INPP4B: variants seen among roughly 807,000 people sequenced by gnomAD.
INPP4B encodes inositol polyphosphate-4-phosphatase type II B, also known as inositol polyphosphate 4-phosphatase type II.
In INPP4B, 55 loss-of-function variants were observed where a neutral mutation model predicts 122.5. That is an observed-to-expected ratio of 0.45 (90% CI 0.36 to 0.56). INPP4B has a LOEUF of 0.56. Ranked by LOEUF, INPP4B falls within the 20% of genes least tolerant of loss-of-function variation. The probability of loss-of-function intolerance (pLI) is 0.00; values close to 1 mark genes in which losing one functional copy is unlikely to be tolerated. For synonymous variants in INPP4B, 403 were observed against 388.7 expected (o/e 1.04, Z -0.43); for missense variants, 1,000 against 1,097.7 (o/e 0.91, Z 1.26).
At chr4:142,773,248 T>C (rs555471940) in intron 1 of INPP4B, among the ~76,000 whole-genome samples, 1 of 152,056 alleles carries the variant, frequency 6.6e-6, no homozygotes, top group African/African-American at 2.4e-5. Context: ...ATGTTAGAAC[T>C]CTAGTGTGGC....
At chr4:142,458,253 A>G (rs1560680000) in intron 3 of INPP4B, among the ~76,000 whole-genome samples, 1 of 152,148 alleles carries the variant, frequency 6.6e-6, no homozygotes. Context: ...ATAGGTATAG[A>G]AAAAGTCCAG....
chr4:142,781,002 C>T (rs1433812070), intron 1 of INPP4B, among the ~76,000 whole-genome samples: 2 of 152,150 alleles, frequency 1.3e-5, no homozygotes, highest in Non-Finnish European at 2.9e-5. Flanking sequence ...AGAAATCAAT[C>T]TCATAATACT....
chr4:142,427,295 T>C (rs1042851991), intron 5 of INPP4B: 9 of 361,222 alleles, frequency 2.5e-5, no homozygotes, highest in Admixed American at 4.6e-5. Context: ...AATATTTTTT[T>C]AGTAAACTTG....
At chr4:142,074,623 A>T (rs1470903400) in intron 25 of INPP4B, among the ~76,000 whole-genome samples, 1 of 152,108 alleles carries the variant, frequency 6.6e-6, no homozygotes, top group African/African-American at 2.4e-5. Context: ...AAAACATCTG[A>T]TGTTTTGCTG....
chr4:142,568,639 T>C (rs1034380093), intron 2 of INPP4B, among the ~76,000 whole-genome samples: 2 of 152,142 alleles, frequency 1.3e-5, no homozygotes, highest in African/African-American at 4.8e-5. Context: ...AAATAAGGTC[T>C]CTTTGCCATC....
chr4:142,617,064 C>A (rs557759041), intron 2 of INPP4B, among the ~76,000 whole-genome samples: 375 of 152,142 alleles, frequency 2.5e-3, no homozygotes, highest in African/African-American at 8.4e-3. Context: ...TGTAAGAAAA[C>A]TATACTTTTA....
At chr4:142,830,635 G>A (rs1487097504) in intron 1 of INPP4B, among the ~76,000 whole-genome samples, 1 of 152,060 alleles carries the variant, frequency 6.6e-6, no homozygotes, top group African/African-American at 2.4e-5. Flanking sequence ...GCCACATAGA[G>A]ATCCCTGAGA....
At chr4:142,239,361 G>T (rs1300906571) in intron 11 of INPP4B, among the ~76,000 whole-genome samples, 3 of 152,090 alleles carry the variant, frequency 2.0e-5, no homozygotes, top group Admixed American at 2.0e-4. Flanking sequence ...GAAGCCAGAA[G>T]AAAGTACACT....
chr4:142,279,164 A>T (rs897613950), intron 9 of INPP4B, among the ~76,000 whole-genome samples: 11 of 152,114 alleles, frequency 7.2e-5, no homozygotes, highest in African/African-American at 2.6e-4. Flanking sequence ...CTAAATAAAT[A>T]GACATATAGA....
intron 25 of INPP4B, among the ~76,000 whole-genome samples, chr4:142,073,758 T>G (rs1339453874): frequency 6.6e-6 from 1 of 152,090 alleles, no homozygotes; most frequent in African/African-American, 2.4e-5. Context: ...TTCTCTTGTC[T>G]CAACCTTCCA....
chr4:142,230,765 C>T (rs955511764), intron 12 of INPP4B, among the ~76,000 whole-genome samples: 1 of 151,734 alleles, frequency 6.6e-6, no homozygotes, highest in African/African-American at 2.4e-5. Flanking sequence ...ACATAGTGAG[C>T]ATGTATTATT....
chr4:142,845,510 G>C (rs1784073128), intron 1 of INPP4B, among the ~76,000 whole-genome samples: 1 of 152,174 alleles, frequency 6.6e-6, no homozygotes, highest in African/African-American at 2.4e-5. Flanking sequence ...TAACCTCTCA[G>C]CGAGACCTCT....
At chr4:142,575,173 A>T (rs556055860) in intron 2 of INPP4B, among the ~76,000 whole-genome samples, 11 of 152,008 alleles carry the variant, frequency 7.2e-5, no homozygotes, top group Non-Finnish European at 1.6e-4. Flanking sequence ...TTCAGTCCCA[A>T]ATCCAATTTG....
intron 7 of INPP4B, among the ~76,000 whole-genome samples, chr4:142,350,977 T>C (rs1579817275): frequency 6.6e-6 from 1 of 152,014 alleles, no homozygotes; most frequent in East Asian, 1.9e-4. Flanking sequence ...AGAAGAAATA[T>C]TGTTTTCCTA....
intron 1 of INPP4B, among the ~76,000 whole-genome samples, chr4:142,784,047 T>TA (rs973151317): frequency 2.0e-5 from 3 of 152,138 alleles, no homozygotes; most frequent in South Asian, 4.1e-4. Flanking sequence ...TTAGGGCAAG[T>TA]AAAAAAACTG....
chr4:142,086,833 TG>T (rs1205373935), intron 23 of INPP4B, among the ~76,000 whole-genome samples: 1 of 152,240 alleles, frequency 6.6e-6, no homozygotes, highest in African/African-American at 2.4e-5. Flanking sequence ...ACCAGCATTT[TG>T]GACAAAGATG....
chr4:142,687,990 G>A (rs1026662287), intron 2 of INPP4B, among the ~76,000 whole-genome samples: 2 of 151,864 alleles, frequency 1.3e-5, no homozygotes, highest in African/African-American at 4.8e-5. Flanking sequence ...TTGTGTTTTT[G>A]CCTTGAAAGA....
At chr4:142,287,453 C>T (rs923990320) in intron 9 of INPP4B, 9 of 152,132 alleles carry the variant, frequency 5.9e-5, no homozygotes, top group Non-Finnish European at 1.0e-4. Flanking sequence ...CAAATGAGTT[C>T]TCTGTTGGTT....
chr4:142,414,590 C>T (rs1805292491), intron 5 of INPP4B, among the ~76,000 whole-genome samples: 1 of 152,164 alleles, frequency 6.6e-6, no homozygotes. Flanking sequence ...AGAAGACTCC[C>T]ATTCTCAAGC....
Sources: allele counts gnomAD v4.1 joint callset (sites outside exome capture counted in the v4.1 genomes callset), GRCh38; gene constraint gnomAD v4.1.1; transcripts MANE v1.5; gene names NCBI Gene and HGNC (gene_info 2026-07-23, HGNC 2026-07-21).